The following KIF5C variants were observed in gnomAD, a reference collection of about 807,000 sequenced individuals.
The protein encoded by KIF5C is kinesin heavy chain isoform 5C.
KIF5C carries 18 observed loss-of-function variants against 125.2 expected under a neutral mutation model. The ratio of observed to expected loss-of-function variants is 0.14; its 90% CI spans 0.10 to 0.21. The LOEUF is 0.21. Ranked by LOEUF, KIF5C falls within the 10% of genes least tolerant of loss-of-function variation. KIF5C has a pLI of 1.00. For synonymous variants in KIF5C, 405 were observed against 434.0 expected (o/e 0.93, Z 0.83); for missense variants, 780 against 1,183.8 (o/e 0.66, Z 5.01).
intron 4 of KIF5C, among the ~76,000 whole-genome samples, chr2:148,938,113 G>A (rs1452498817): frequency 6.6e-6 from 1 of 152,090 alleles, no homozygotes; most frequent in Non-Finnish European, 1.5e-5. Context: ...TTGATAGTAG[G>A]GTATATTCAT....
intron 14 of KIF5C, among the ~76,000 whole-genome samples, chr2:148,981,855 A>C (rs1411530082): frequency 6.6e-6 from 1 of 152,214 alleles, no homozygotes; most frequent in African/African-American, 2.4e-5. Context: ...GAAAAGTCTT[A>C]GTTACAAGTC....
chr2:148,875,575 G>GCCCCCCCCCCCTCCCCCTTGCCCC lies in KIF5C; in HGVS notation c.-37_-36insCCCCCTCCCCCTTGCCCCCCCCCC. On this transcript the variant is annotated 5_prime_UTR_variant, in exon 1 of 26. Transcript: ENST00000435030. Reference sequence around the variant, plus strand: ...TCCTCCCTCGTCGTTCCCGGCCCCGGCCCCCCACCCATCCCCGTGCCCCCT... The same window carrying GCCCCCCCCCCCTCCCCCTTGCCCC: ...TCCTCCCTCGTCGTTCCCGGCCCCGGCCCCCCCCCCCTCCCCCTTGCCCCCCCCCCACCCATCCCCGTGCCCCCT... The GCCCCCCCCCCCTCCCCCTTGCCCC allele has an allele frequency of 2.9e-6, 2 of 699,604 alleles. No homozygotes were observed. Among genetic ancestry groups the GCCCCCCCCCCCTCCCCCTTGCCCC allele is most frequent in the Admixed American group, 2.2e-5 (1 of 46,070 alleles). 43.3% of individuals were successfully genotyped at this position (699,604 alleles called of 1,614,324 possible).
chr2:148,964,029 T>A (rs192365603), intron 11 of KIF5C, among the ~76,000 whole-genome samples: 74 of 152,178 alleles, frequency 4.9e-4, no homozygotes, highest in African/African-American at 1.7e-3. Context: ...TTCTCCCAGC[T>A]CTTTGGGTGG....
intron 21 of KIF5C, 135 bp downstream of exon 21, chr2:149,000,917 A>C (rs1681831169): frequency 6.8e-7 from 1 of 1,462,498 alleles, no homozygotes; most frequent in Non-Finnish European, 9.1e-7. Flanking sequence ...ATGGAAAAGT[A>C]GGATTTGTAG....
At chr2:148,894,207 A>G (rs1284141029) in intron 1 of KIF5C, among the ~76,000 whole-genome samples, 4 of 152,240 alleles carry the variant, frequency 2.6e-5, no homozygotes, top group Non-Finnish European at 5.9e-5. Context: ...TCCAAACTCC[A>G]TTATCTTCTA....
At chr2:149,012,828 TC>T (rs1463171662) in intron 25 of KIF5C, among the ~76,000 whole-genome samples, 1 of 152,224 alleles carries the variant, frequency 6.6e-6, no homozygotes, top group Admixed American at 6.5e-5. Context: ...GCCACCCCAT[TC>T]CTATCTAATC....
chr2:149,026,412 A>G lies in KIF5C; in HGVS notation c.*3342A>G, dbSNP rs1031345452. 2 of 152,238 alleles carry G rather than the reference A, an allele frequency of 1.3e-5. No individual in the cohort carries two copies. The highest frequency in any genetic ancestry group is 2.9e-5 in the Non-Finnish European group (2 of 68,040). The allele number at this position is 152,238 out of a possible 1,614,324, so 9.4% of individuals were successfully genotyped here. A position where few individuals can be genotyped will look rare whatever the true frequency, so the allele number is the denominator to read the frequency against. ...GTTCATTGTGTGCAGATATAAGGGG[A>G]ATAGGGCATTCTGTAGAATTATACA... On this transcript the variant is annotated 3_prime_UTR_variant, in exon 26 of 26. Coordinates refer to ENST00000435030, the MANE Select transcript of KIF5C (RefSeq NM_004522.3).
At chr2:148,903,096 A>C (rs1264428027) in intron 1 of KIF5C, among the ~76,000 whole-genome samples, 1 of 152,164 alleles carries the variant, frequency 6.6e-6, no homozygotes, top group African/African-American at 2.4e-5. Flanking sequence ...TTGGGGAGAC[A>C]TCAGAAAGAT....
Position 148,924,332 on chromosome 2 carries a change from C to T in KIF5C, c.217+2105C>T, listed in dbSNP as rs1681907453. Among the ~76,000 whole-genome samples the T allele has an allele frequency of 6.6e-6, 1 of 152,046 alleles. No homozygotes were observed. Among genetic ancestry groups the T allele is most frequent in the Admixed American group, 6.6e-5 (1 of 15,266 alleles). ...TAAATCAGATGATTTCCGAAGAGCA[C>T]CATAGTCCCCGTGATTCCTGATAAT... On this transcript the variant is annotated intron_variant, in intron 2 of 25. Transcript: ENST00000435030. The surrounding 1 kb of genome is among the most constrained non-coding windows in gnomAD (Gnocchi z 4.0).
At chr2:148,926,762 T>C (rs1682016875) in intron 2 of KIF5C, among the ~76,000 whole-genome samples, 1 of 152,188 alleles carries the variant, frequency 6.6e-6, no homozygotes, top group African/African-American at 2.4e-5. Context: ...GAACACTGGC[T>C]TCAAAGGGCC....
intron 25 of KIF5C, among the ~76,000 whole-genome samples, chr2:149,018,920 C>A (rs1015358541): frequency 6.6e-6 from 1 of 151,760 alleles, no homozygotes; most frequent in African/African-American, 2.4e-5. Context: ...GAAATTAAAG[C>A]AAAATATTTA....
At chr2:149,021,655 A>T (rs1682537684) in intron 25 of KIF5C, among the ~76,000 whole-genome samples, 1 of 151,942 alleles carries the variant, frequency 6.6e-6, no homozygotes, top group South Asian at 2.1e-4. Context: ...CCAAATGTTG[A>T]TATAAGCCTT....
In KIF5C at chr2:148,961,985, A is replaced by G; in HGVS notation, c.983A>G (p.Lys328Arg). Residue 328 changes from lysine to arginine, a missense_variant, in exon 11 of 26, where the codon AAG becomes AGG. Lys to Arg is a conservative substitution (Grantham distance 26, BLOSUM62 2). Around this residue, in one of 2 missense-constraint regions of KIF5C, gnomAD observed 207 missense variants for 441.2 expected, o/e 0.47. Transcript: ENST00000435030. The part of the protein sequence containing the change: ...LMFGQRAKTI[K>R]NTVSVNLELT... ...TTTAATCCCAGAGCTAAGACCATCA[A>G]GAATACAGTCTCTGTGAACCTAGAA... is the stretch of plus-strand genomic sequence containing the variant. 1.9e-6 allele frequency: 3 copies of G among 1,613,520 alleles called. No individual in the cohort carries two copies. The highest frequency in any genetic ancestry group is 2.5e-6 in the Non-Finnish European group (3 of 1,179,742).
intron 15 of KIF5C, among the ~76,000 whole-genome samples, chr2:148,990,017 A>T (rs1681483688): frequency 6.6e-6 from 1 of 152,210 alleles, no homozygotes. Context: ...TTGTCTTTCA[A>T]CCAGTGGAAG....
intron 25 of KIF5C, chr2:149,020,387 C>A (rs1246065715): frequency 6.6e-6 from 1 of 152,160 alleles, no homozygotes; most frequent in Non-Finnish European, 1.5e-5. Flanking sequence ...CTTGAGGTGA[C>A]TAAACTAAGC....
chr2:148,959,614 T>C (rs1682877703), intron 10 of KIF5C, among the ~76,000 whole-genome samples: 1 of 152,210 alleles, frequency 6.6e-6, no homozygotes, highest in Non-Finnish European at 1.5e-5. Flanking sequence ...ATTCCCACTG[T>C]TATTTGAGTT....
intron 8 of KIF5C, among the ~76,000 whole-genome samples, chr2:148,949,160 A>C (rs1291074505): frequency 2.0e-5 from 3 of 152,202 alleles, no homozygotes; most frequent in Non-Finnish European, 2.9e-5. Flanking sequence ...CCTAGAATAA[A>C]TGCTGTCAAG....
chr2:148,952,382 A>G (rs976047328), intron 10 of KIF5C, among the ~76,000 whole-genome samples: 1 of 152,206 alleles, frequency 6.6e-6, no homozygotes, highest in Non-Finnish European at 1.5e-5. Context: ...TGCTGTTATC[A>G]GGAGGTATTT....
At chr2:148,961,694 G>A (rs1682932204) in intron 10 of KIF5C, among the ~76,000 whole-genome samples, 1 of 152,164 alleles carries the variant, frequency 6.6e-6, no homozygotes, top group Non-Finnish European at 1.5e-5. Flanking sequence ...CAGTGGCAGA[G>A]GGAAGAGAGA....
Sources: allele counts gnomAD v4.1 joint callset (sites outside exome capture counted in the v4.1 genomes callset), GRCh38; gene constraint gnomAD v4.1.1; regional missense constraint gnomAD v4.1.1; non-coding constraint Gnocchi (gnomAD v3.1); transcripts MANE v1.5; gene names NCBI Gene and HGNC (gene_info 2026-07-23, HGNC 2026-07-21).